Variants in FAM161A observed in about 807,000 individuals in gnomAD.
FAM161A encodes protein FAM161A.
A neutral mutation model predicts 70.9 loss-of-function variants in FAM161A; 57 were observed. The ratio of observed to expected loss-of-function variants is 0.80; its 90% CI spans 0.65 to 1.00. FAM161A has a LOEUF of 1.00. Ranked by LOEUF, FAM161A falls within the 50% of genes least tolerant of loss-of-function variation. FAM161A has a pLI of 0.00. For missense variants in FAM161A, 880 were observed against 836.0 expected, an observed-to-expected ratio of 1.05 and a Z score of -0.65; for synonymous variants, 299 against 295.7, an observed-to-expected ratio of 1.01 and a Z score of -0.12.
chr2:61,826,409 GAC>G lies in FAM161A; in HGVS notation c.*44_*45del. On this transcript the variant is annotated 3_prime_UTR_variant, in exon 7 of 7. Coordinates refer to ENST00000404929, the MANE Select transcript of FAM161A (RefSeq NM_001201543.2). ...ACACAAATGCGGCTGCTGACACCCT[GAC>G]GCTGCAAACAACAGCAAGGGCATAG... 4 of 1,530,280 alleles carry G rather than the reference GAC, an allele frequency of 2.6e-6. No individual in the cohort carries two copies. Among genetic ancestry groups the G allele is most frequent in the Non-Finnish European group, 3.6e-6 (4 of 1,104,708 alleles). The allele number at this position is 1,530,280 out of a possible 1,614,324, so 94.8% of individuals were successfully genotyped here. A position where few individuals can be genotyped will look rare whatever the true frequency, so the allele number is the denominator to read the frequency against.
rs962221306 is a variant in FAM161A, at chr2:61,838,888, A to ATTTTTTTT, written c.1584-184_1584-183insAAAAAAAA. Among the ~76,000 whole-genome samples, 159 of 118,188 alleles carry ATTTTTTTT rather than the reference A, an allele frequency of 1.3e-3. 1 individual carries two copies. The highest frequency in any genetic ancestry group is 4.5e-3 in the African/African-American group (152 of 33,576). 77.5% of individuals were successfully genotyped at this position (118,188 alleles called of 152,430 possible). On this transcript the variant is annotated intron_variant, in intron 3 of 6. Transcript: ENST00000404929. ...TATTTATTTATTTATTTATTTATTT[A>ATTTTTTTT]TTTATTTTTTTTGAGATGGAGTCTC...
At chr2:61,833,503 C>A (rs1672659628) in intron 5 of FAM161A, among the ~76,000 whole-genome samples, 1 of 151,006 alleles carries the variant, frequency 6.6e-6, no homozygotes, top group Admixed American at 6.6e-5. Flanking sequence ...AGTTATAACA[C>A]TGAATTCCGA....
At chr2:61,809,184 T>TTGGAA in the FAM161A span, among the ~76,000 whole-genome samples, 1 of 152,270 alleles carries the variant, frequency 6.6e-6, no homozygotes, top group South Asian at 2.1e-4. Context: ...AGTGCTTTTC[T>TTGGAA]TGGAACACTC....
At chr2:61,802,712 C>T in the FAM161A span, among the ~76,000 whole-genome samples, 2 of 152,238 alleles carry the variant, frequency 1.3e-5, no homozygotes, top group East Asian at 1.9e-4. Context: ...GAATTAGTCA[C>T]GTTGTGAATT....
rs988427197 is a variant in FAM161A, at chr2:61,849,070, A to C, written c.183+4789T>G. On this transcript the variant is annotated intron_variant, in intron 1 of 6. Transcript: ENST00000404929. ...TTTATATATATTTATATATATATAA[A>C]TATATATATTTATATATATATTTAA... Among the ~76,000 whole-genome samples, 2 of 1,624 alleles carry C rather than the reference A, an allele frequency of 1.2e-3. 1 individual carries two copies. Among genetic ancestry groups the C allele is most frequent in the African/African-American group, 0.013 (2 of 158 alleles). The allele number at this position is 1,624 out of a possible 152,430, so 1.1% of individuals were successfully genotyped here.
chr2:61,806,680 CTTTTTTTT>C, the FAM161A span, among the ~76,000 whole-genome samples: 247 of 61,562 alleles, frequency 4.0e-3, 1 homozygote, highest in African/African-American at 0.015. Context: ...CTTTCCACGT[CTTTTTTTT>C]TTTTTTTTTT....
chr2:61,815,029 C>A, the FAM161A span, among the ~76,000 whole-genome samples: 2 of 152,172 alleles, frequency 1.3e-5, 1 homozygote, highest in South Asian at 4.1e-4. Flanking sequence ...CCAAATCAGT[C>A]ACTATCTGTG....
rs1348657311 is a variant in FAM161A at position 61,843,310 on chromosome 2, A to G, written c.184-950T>C. 6.6e-5 allele frequency among the ~76,000 whole-genome samples: 10 copies of G among 152,238 alleles called. No homozygotes were observed. The East Asian group carries it at 1.5e-3, about 24-fold the overall frequency. ...ACCCAGCTAATTTTTGTATTTTAGT[A>G]GAGACGGGGTTTCACCATGTTGGCC... On this transcript the variant is annotated intron_variant, in intron 1 of 6. Transcript: ENST00000404929.
the FAM161A span, among the ~76,000 whole-genome samples, chr2:61,801,869 G>A: frequency 1.3e-5 from 2 of 152,076 alleles, no homozygotes; most frequent in African/African-American, 4.8e-5. Flanking sequence ...CTTGAATAAT[G>A]TTAATAAGGG....
the FAM161A span, among the ~76,000 whole-genome samples, chr2:61,811,941 A>G: frequency 6.6e-6 from 1 of 152,032 alleles, no homozygotes; most frequent in African/African-American, 2.4e-5. Flanking sequence ...TTCTGACTTC[A>G]CATTTTGCAA....
the FAM161A span, among the ~76,000 whole-genome samples, chr2:61,805,385 G>A: frequency 4.6e-5 from 7 of 152,084 alleles, no homozygotes; most frequent in East Asian, 3.9e-4. Flanking sequence ...GCTTGGTGGC[G>A]GGAGCCTGTA....
Position 61,835,949 on chromosome 2 carries a change from C to G in FAM161A, c.1851+61G>C, listed in dbSNP as rs1401223153. On this transcript the variant is annotated intron_variant, in intron 5 of 6. Transcript: ENST00000404929. ...GAAAAATGGACTGTAAATTTAGGAG[C>G]TAAAGCTGTAAAAAAAAAAAAAAAA... is the stretch of plus-strand genomic sequence containing the variant. 7.6e-6 allele frequency: 8 copies of G among 1,058,000 alleles called. 1 individual carries two copies. The South Asian group carries it at 1.1e-4, about 14-fold the overall frequency. 65.5% of individuals were successfully genotyped at this position (1,058,000 alleles called of 1,614,324 possible). A position where few individuals can be genotyped will look rare whatever the true frequency, so the allele number is the denominator to read the frequency against.
chr2:61,850,905 G>A (rs897648525), intron 1 of FAM161A, among the ~76,000 whole-genome samples: 14 of 151,844 alleles, frequency 9.2e-5, no homozygotes, highest in African/African-American at 2.7e-4. Flanking sequence ...ATGGAGTTTC[G>A]CTCTTGTTGT....
Position 61,838,705 on chromosome 2 carries a change from C to T in FAM161A, c.1584G>A (p.Arg528=). The T allele has an allele frequency of 6.3e-7, 1 of 1,598,604 alleles. No individual in the cohort carries two copies. Among genetic ancestry groups the T allele is most frequent in the Admixed American group, 1.7e-5 (1 of 57,766 alleles). ...VSSRGREQAV[R]RSLEEKKMLE... ...ACATTTTCTTTTCCTCAAGTGATCT[C>T]CTGAGGGTAACAAACTAAGGCTTAA... Residue 528 remains arginine (R), a splice_region_variant and synonymous_variant, in exon 4 of 7, where the codon AGG becomes AGA. Transcript: ENST00000404929.
At chr2:61,816,775 T>C in the FAM161A span, among the ~76,000 whole-genome samples, 3 of 152,154 alleles carry the variant, frequency 2.0e-5, no homozygotes, top group Non-Finnish European at 2.9e-5. Context: ...CTGTGTGTAC[T>C]TTAACTTGGA....
intron 5 of FAM161A, among the ~76,000 whole-genome samples, chr2:61,834,268 A>G (rs767173841): frequency 6.6e-6 from 1 of 152,102 alleles, no homozygotes; most frequent in African/African-American, 2.4e-5. Context: ...ACCAAACATC[A>G]TATGTTCTCA....
At chr2:61,842,382 A>C in intron 1 of FAM161A, 22 bp from the exon 2 acceptor site, 1 of 1,432,618 alleles carries the variant, frequency 7.0e-7, no homozygotes, top group Non-Finnish European at 9.6e-7. Context: ...AAAACACTTG[A>C]TATATAGTGA....
In FAM161A at chr2:61,836,121, G is replaced by C. The variant is rs764979052; in HGVS notation, c.1752-12C>G. 3.9e-6 allele frequency: 6 copies of C among 1,553,622 alleles called. No individual in the cohort carries two copies. The highest frequency in any genetic ancestry group is 5.3e-6 in the Non-Finnish European group (6 of 1,130,586). ...CCTTTTCGCTCTTTCTAAAATTAAA[G>C]AAAAGCAATGGAATTTTAAAAGATC... On this transcript the variant is annotated splice_polypyrimidine_tract_variant and intron_variant, in intron 4 of 6. Coordinates refer to ENST00000404929, the MANE Select transcript of FAM161A (RefSeq NM_001201543.2).
At chr2:61,851,223 G>A (rs1214793191) in intron 1 of FAM161A, among the ~76,000 whole-genome samples, 2 of 152,166 alleles carry the variant, frequency 1.3e-5, no homozygotes, top group East Asian at 1.9e-4. Context: ...AAAATTCTGT[G>A]AGGATGTGAG....
Sources: allele counts gnomAD v4.1 joint callset (sites outside exome capture counted in the v4.1 genomes callset), GRCh38; gene constraint gnomAD v4.1.1; transcripts MANE v1.5; gene names NCBI Gene and HGNC (gene_info 2026-07-23, HGNC 2026-07-21).